The following NRG1 variants were observed in gnomAD, a reference collection of about 807,000 sequenced individuals.
The protein encoded by NRG1 is pro-neuregulin-1, membrane-bound isoform.
In NRG1, 18 loss-of-function variants were observed where a neutral mutation model predicts 63.8. That is an observed-to-expected ratio of 0.28 (90% CI 0.19 to 0.42). The LOEUF is 0.42. Ranked by LOEUF, NRG1 falls within the 10% of genes least tolerant of loss-of-function variation. The pLI, the probability that NRG1 is intolerant of heterozygous loss-of-function variation, is 1.00. For missense variants in NRG1, 762 were observed against 814.7 expected (o/e 0.94, Z 0.79); for synonymous variants, 302 against 301.3 (o/e 1.00, Z -0.02).
At chr8:31,641,580 C>T (rs182353427) in intron 1 of NRG1, among the ~76,000 whole-genome samples, 2 of 152,254 alleles carry the variant, frequency 1.3e-5, no homozygotes, top group East Asian at 3.9e-4. Context: ...AGCTGATTAT[C>T]TCATTTCGTT....
At chr8:32,260,429 C>T (rs1332854852) in intron 1 of NRG1, among the ~76,000 whole-genome samples, 1 of 152,338 alleles carries the variant, frequency 6.6e-6, no homozygotes, top group Middle Eastern at 3.4e-3. Context: ...TTCACCTCCA[C>T]ATGGGGTCAG....
At chr8:32,473,189 G>A (rs181032047) in intron 1 of NRG1, among the ~76,000 whole-genome samples, 2 of 152,310 alleles carry the variant, frequency 1.3e-5, no homozygotes, top group African/African-American at 4.8e-5. Flanking sequence ...AGAATGGACT[G>A]GATGAATGCG....
chr8:32,404,374 A>G (rs1459210944), intron 1 of NRG1, among the ~76,000 whole-genome samples: 3 of 152,096 alleles, frequency 2.0e-5, no homozygotes, highest in African/African-American at 7.2e-5. Context: ...CTTAGACAGT[A>G]AGCTCCCTGA....
At chr8:32,648,542 G>C (rs962935126) in intron 5 of NRG1, among the ~76,000 whole-genome samples, 3 of 152,128 alleles carry the variant, frequency 2.0e-5, no homozygotes, top group African/African-American at 7.2e-5. Context: ...TTGAAGGGCC[G>C]AGTAAAATGA....
At chr8:32,290,218 G>A (rs1038163611) in intron 1 of NRG1, among the ~76,000 whole-genome samples, 3 of 152,006 alleles carry the variant, frequency 2.0e-5, no homozygotes, top group Non-Finnish European at 4.4e-5. Flanking sequence ...TCCAGCTTGG[G>A]TGATACATCA....
intron 1 of NRG1, among the ~76,000 whole-genome samples, chr8:31,831,393 G>A (rs1825147902): frequency 6.6e-6 from 1 of 151,902 alleles, no homozygotes; most frequent in African/African-American, 2.4e-5. Flanking sequence ...ATGAGCCACC[G>A]TGCCCAGCCC....
chr8:32,163,153 C>A (rs73232242), intron 1 of NRG1, among the ~76,000 whole-genome samples: 22,729 of 152,212 alleles, frequency 0.15, 2,600 homozygotes, highest in African/African-American at 0.32. Context: ...AGGAAGGGAA[C>A]CCTTCCAGGC....
chr8:32,051,323 G>A (rs1821943741), intron 1 of NRG1, among the ~76,000 whole-genome samples: 1 of 152,248 alleles, frequency 6.6e-6, no homozygotes, highest in Admixed American at 6.5e-5. Flanking sequence ...ACTTGGAAGG[G>A]CTCACAGTCT....
intron 1 of NRG1, among the ~76,000 whole-genome samples, chr8:32,217,586 C>G (rs1030652380): frequency 7.9e-5 from 12 of 151,970 alleles, no homozygotes; most frequent in African/African-American, 2.9e-4. Flanking sequence ...CATTTTTAAA[C>G]AAATAAATAA....
chr8:32,122,642 A>G (rs1200240480), intron 1 of NRG1, among the ~76,000 whole-genome samples: 1 of 150,144 alleles, frequency 6.7e-6, no homozygotes, highest in Non-Finnish European at 1.5e-5. Context: ...TTATTATTAT[A>G]CTTTAAGTTT....
intron 5 of NRG1, among the ~76,000 whole-genome samples, chr8:32,637,864 CT>C (rs917271902): frequency 6.6e-6 from 1 of 152,116 alleles, no homozygotes; most frequent in Non-Finnish European, 1.5e-5. Context: ...CTCTGAATAT[CT>C]TTCAGAAAGA....
At chr8:31,825,671 AG>A (rs1403978933) in intron 1 of NRG1, among the ~76,000 whole-genome samples, 3 of 152,156 alleles carry the variant, frequency 2.0e-5, no homozygotes, top group African/African-American at 7.2e-5. Context: ...ACAGGAAAAG[AG>A]GAGAGGAGAG....
intron 1 of NRG1, among the ~76,000 whole-genome samples, chr8:31,778,910 A>C (rs1454552747): frequency 6.6e-6 from 1 of 152,176 alleles, no homozygotes; most frequent in Middle Eastern, 3.2e-3. Context: ...TATGGGTTGG[A>C]AGTTGATTTA....
At position 32,707,275 on chromosome 8, in the gene NRG1, A is replaced by T. The variant is rs372698499; in HGVS notation, c.503-20674A>T. ...TAATAACAACACCTTAGTAGTTGTA[A>T]CAATATATGACCTAAAATCAGTGGT... On this transcript the variant is annotated intron_variant, in intron 5 of 11. Coordinates refer to ENST00000356819, the Ensembl canonical transcript of NRG1. 5.9e-5 allele frequency among the ~76,000 whole-genome samples: 9 copies of T among 152,228 alleles called. No homozygotes were observed. The East Asian group carries it at 1.7e-3, about 29-fold the overall frequency.
At chr8:32,660,297 G>A (rs1802536755) in intron 5 of NRG1, among the ~76,000 whole-genome samples, 1 of 152,096 alleles carries the variant, frequency 6.6e-6, no homozygotes, top group Non-Finnish European at 1.5e-5. Flanking sequence ...TTGGATAAGG[G>A]ATACTCAACC....
intron 1 of NRG1, among the ~76,000 whole-genome samples, chr8:31,994,155 C>T (rs906554902): frequency 6.6e-6 from 1 of 151,722 alleles, no homozygotes; most frequent in African/African-American, 2.4e-5. Context: ...AGATATTGAA[C>T]CAAGTAAATT....
At chr8:31,963,061 T>G (rs1339362733) in intron 1 of NRG1, among the ~76,000 whole-genome samples, 1 of 152,218 alleles carries the variant, frequency 6.6e-6, no homozygotes, top group Admixed American at 6.5e-5. Flanking sequence ...CTTGGAGGGA[T>G]GTTCTAGATC....
At chr8:32,031,190 A>G (rs1818204718) in intron 1 of NRG1, among the ~76,000 whole-genome samples, 1 of 152,104 alleles carries the variant, frequency 6.6e-6, no homozygotes. Context: ...TTCTGCTACC[A>G]TGGCTACCAT....
intron 1 of NRG1, among the ~76,000 whole-genome samples, chr8:31,958,294 T>C (rs1425996492): frequency 6.6e-6 from 1 of 152,054 alleles, no homozygotes; most frequent in Non-Finnish European, 1.5e-5. Flanking sequence ...GAATAGAATA[T>C]AGGAATAGGA....
Sources: allele counts gnomAD v4.1 joint callset (sites outside exome capture counted in the v4.1 genomes callset), GRCh38; gene constraint gnomAD v4.1.1; transcripts MANE v1.5; gene names NCBI Gene and HGNC (gene_info 2026-07-23, HGNC 2026-07-21).